The following ZFP64 variants were observed in gnomAD, a reference collection of about 807,000 sequenced individuals.
The protein encoded by ZFP64 is zinc finger protein 64.
A neutral mutation model predicts 51.6 loss-of-function variants in ZFP64; 14 were observed. The ratio of observed to expected loss-of-function variants is 0.27; its 90% CI spans 0.18 to 0.42. The LOEUF (loss-of-function observed/expected upper bound fraction) is 0.42. Ranked by LOEUF, ZFP64 falls within the 10% of genes least tolerant of loss-of-function variation. The pLI, the probability that ZFP64 is intolerant of heterozygous loss-of-function variation, is 1.00. For synonymous variants in ZFP64, 375 were observed against 361.4 expected (o/e 1.04, Z -0.43); for missense variants, 754 against 906.8 (o/e 0.83, Z 2.16).
At chr20:52,108,214 C>A (rs190524633) in intron 5 of ZFP64, among the ~76,000 whole-genome samples, 3 of 152,272 alleles carry the variant, frequency 2.0e-5, no homozygotes, top group Admixed American at 2.0e-4. Context: ...AGAGTAAGAA[C>A]CTGTCTTGAA....
chr20:52,176,611 G>A (rs1033601069), intron 2 of ZFP64, among the ~76,000 whole-genome samples: 2 of 150,572 alleles, frequency 1.3e-5, no homozygotes, highest in South Asian at 2.1e-4. Context: ...CCGGGTTCAC[G>A]CCATTCTCCT....
At chr20:52,111,039 G>A (rs1978538812) in intron 5 of ZFP64, 4 of 1,399,500 alleles carry the variant, frequency 2.9e-6, no homozygotes, top group Non-Finnish European at 4.0e-6. Flanking sequence ...TGTGCAGGCC[G>A]CTGCTGCCAT....
intron 5 of ZFP64, among the ~76,000 whole-genome samples, chr20:52,114,059 G>A (rs1469831897): frequency 6.6e-6 from 1 of 152,096 alleles, no homozygotes. Context: ...TCTTTTAAGC[G>A]ACCAACTTTG....
chr20:52,131,803 G>T (rs1600735690), intron 5 of ZFP64, among the ~76,000 whole-genome samples: 1 of 152,098 alleles, frequency 6.6e-6, no homozygotes, highest in East Asian at 1.9e-4. Flanking sequence ...TTCAGCATTT[G>T]CCAGATCTTC....
intron 5 of ZFP64, among the ~76,000 whole-genome samples, chr20:52,118,077 C>T (rs1568662849): frequency 2.0e-5 from 3 of 152,058 alleles, no homozygotes; most frequent in Admixed American, 6.6e-5. Flanking sequence ...GGATTACAGG[C>T]GTGAGGCACC....
At position 52,101,229 on chromosome 20, in the gene ZFP64, T is replaced by G. The variant is rs76490957; in HGVS notation, c.764-2642A>C. Among the ~76,000 whole-genome samples, 620 of 152,288 alleles carry G rather than the reference T, an allele frequency of 4.1e-3. 2 individuals carry two copies. The highest frequency in any genetic ancestry group is 0.016 in the South Asian group (78 of 4,828). On this transcript the variant is annotated intron_variant, in intron 5 of 8. Transcript: ENST00000361387. ...TCCTACTCCCAATGTTTCTTCCAAG[T>G]GTAATCCTGATACTATCTGTGTCAC...
intron 5 of ZFP64, among the ~76,000 whole-genome samples, chr20:52,107,764 T>G (rs1978343793): frequency 6.6e-6 from 1 of 152,248 alleles, no homozygotes; most frequent in South Asian, 2.1e-4. Flanking sequence ...CCTACTCTCC[T>G]GTTGATGGGC....
intron 5 of ZFP64, among the ~76,000 whole-genome samples, chr20:52,115,793 C>G (rs1978835081): frequency 6.9e-6 from 1 of 144,478 alleles, no homozygotes; most frequent in Admixed American, 7.2e-5. Context: ...TTCTCTCTCT[C>G]TCTCTCTCTC....
chr20:52,138,014 AAAATAAATAAATAAAT>A lies in ZFP64; in HGVS notation c.763+22093_763+22108del, dbSNP rs199839575. On this transcript the variant is annotated intron_variant, in intron 5 of 8. Transcript: ENST00000361387. ...AACACGGAAAAACCCCATCTTTACAAAAATAAATAAATAAATAAATAAATAAATAAATAAATAAATA... is the reference window on the plus strand; with the variant it reads ...AACACGGAAAAACCCCATCTTTACAAAAATAAATAAATAAATAAATAAATA... Among the ~76,000 whole-genome samples the A allele has an allele frequency of 4.8e-4, 66 of 136,630 alleles. 1 individual carries two copies. Among genetic ancestry groups the A allele is most frequent in the East Asian group, 1.6e-3 (8 of 4,990 alleles). The allele number at this position is 136,630 out of a possible 152,430, so 89.6% of individuals were successfully genotyped here. A position where few individuals can be genotyped will look rare whatever the true frequency, so the allele number is the denominator to read the frequency against.
chr20:52,160,079 T>C lies in ZFP64; in HGVS notation c.763+44A>G. ...TTTAAGGTGCTTATGATTTATGCCA[T>C]AGAAAGTGAGGAGCGTAGAGAGCAA... is the stretch of plus-strand genomic sequence containing the variant. On this transcript the variant is annotated intron_variant, in intron 5 of 5. Transcript: ENST00000216923. This position sits in a 1 kb window ranked among gnomAD's most constrained non-coding sequence, Gnocchi z 4.2. 6.2e-7 allele frequency: 1 copy of C among 1,613,376 alleles called. No homozygotes were observed. Among genetic ancestry groups the C allele is most frequent in the Non-Finnish European group, 8.5e-7 (1 of 1,179,820 alleles).
intron 8 of ZFP64, chr20:52,088,354 A>C (rs1439142813): frequency 1.9e-6 from 3 of 1,599,860 alleles, no homozygotes; most frequent in Non-Finnish European, 1.7e-6. Flanking sequence ...AAATTAGAGA[A>C]AAAGTAAGGG....
At chr20:52,105,258 CG>C in intron 5 of ZFP64, 1 of 1,329,250 alleles carries the variant, frequency 7.5e-7, no homozygotes, top group Non-Finnish European at 9.6e-7. Flanking sequence ...CCGGGCTCCC[CG>C]CGCGTCCCTA....
chr20:52,190,864 G>A (rs1984316128), intron 1 of ZFP64, among the ~76,000 whole-genome samples: 1 of 152,210 alleles, frequency 6.6e-6, no homozygotes, highest in African/African-American at 2.4e-5. Context: ...AGCTACGAAG[G>A]ACAGCGGATC....
chr20:52,096,951 C>G (rs2078995207), intron 7 of ZFP64: 2 of 460,446 alleles, frequency 4.3e-6, no homozygotes, highest in Admixed American at 5.5e-5. Flanking sequence ...GTCCCTGTAA[C>G]AACTACCTCT....
At position 52,160,506 on chromosome 20, in the gene ZFP64, G is replaced by GTT; in HGVS notation, c.512-133_512-132insAA. Reference sequence around the variant, plus strand: ...TATTCCAAAAACCCTAAAACACTGGGTGGATGATTGGCAAAGAGCTAACAT... The same window carrying GTT: ...TATTCCAAAAACCCTAAAACACTGGGTTTGGATGATTGGCAAAGAGCTAACAT... On this transcript the variant is annotated intron_variant, in intron 4 of 5. Coordinates refer to ENST00000216923, the MANE Select transcript of ZFP64 (RefSeq NM_018197.3). This position sits in a 1 kb window ranked among gnomAD's most constrained non-coding sequence, Gnocchi z 4.2. 2 of 1,230,976 alleles carry GTT rather than the reference G, an allele frequency of 1.6e-6. No homozygotes were observed. Among genetic ancestry groups the GTT allele is most frequent in the South Asian group, 3.4e-5 (2 of 59,134 alleles). The allele number at this position is 1,230,976 out of a possible 1,614,324, so 76.3% of individuals were successfully genotyped here. A position where few individuals can be genotyped will look rare whatever the true frequency, so the allele number is the denominator to read the frequency against.
chr20:52,147,381 G>A (rs527795572), downstream of ZFP64, among the ~76,000 whole-genome samples: 3 of 152,260 alleles, frequency 2.0e-5, no homozygotes, highest in South Asian at 6.2e-4. Context: ...AAGGAGTGGT[G>A]TATATTACAT....
chr20:52,086,767 C>T (rs1314834329), intron 8 of ZFP64, among the ~76,000 whole-genome samples: 4 of 152,088 alleles, frequency 2.6e-5, no homozygotes, highest in East Asian at 1.9e-4. Flanking sequence ...CTTGAGCCAC[C>T]GCGCCCGGCC....
chr20:52,109,604 C>T (rs1161506157), intron 5 of ZFP64, among the ~76,000 whole-genome samples: 2 of 151,722 alleles, frequency 1.3e-5, no homozygotes, highest in Non-Finnish European at 2.9e-5. Flanking sequence ...CATGTTGAAA[C>T]CCCATCTCTA....
At chr20:52,108,893 C>T (rs578086826) in intron 5 of ZFP64, among the ~76,000 whole-genome samples, 66 of 151,766 alleles carry the variant, frequency 4.3e-4, no homozygotes, top group Non-Finnish European at 8.0e-4. Flanking sequence ...CACACACACA[C>T]ACACACACAC....
Sources: allele counts gnomAD v4.1 joint callset (sites outside exome capture counted in the v4.1 genomes callset), GRCh38; gene constraint gnomAD v4.1.1; non-coding constraint Gnocchi (gnomAD v3.1); transcripts MANE v1.5; gene names NCBI Gene and HGNC (gene_info 2026-07-23, HGNC 2026-07-21).